Variants in UGGT2 observed in about 807,000 individuals in gnomAD.
UGGT2 encodes UDP-glucose:glycoprotein glucosyltransferase 2.
A neutral mutation model predicts 192.1 loss-of-function variants in UGGT2; 180 were observed. The ratio of observed to expected loss-of-function variants is 0.94; its 90% CI spans 0.83 to 1.06. UGGT2 has a LOEUF of 1.06. UGGT2 is among the 50% of genes least tolerant of loss of function. The pLI is 0.00. For synonymous variants in UGGT2, 580 were observed against 591.0 expected, an observed-to-expected ratio of 0.98 and a Z score of 0.27; for missense variants, 1,849 against 1,795.7, an observed-to-expected ratio of 1.03 and a Z score of -0.54.
chr13:96,002,746 G>C (rs1295466590), intron 5 of UGGT2, among the ~76,000 whole-genome samples: 2 of 152,136 alleles, frequency 1.3e-5, no homozygotes, highest in Non-Finnish European at 2.9e-5. Context: ...AGAACACTGA[G>C]GGAAAAAACA....
At chr13:95,972,736 CCA>C in intron 10 of UGGT2, 65 bp from the exon 11 acceptor site, 2 of 1,206,244 alleles carry the variant, frequency 1.7e-6, no homozygotes, top group Non-Finnish European at 2.4e-6. Context: ...TTAGGGGTCA[CCA>C]TATTATTTCT....
chr13:95,929,615 G>A (rs1400374737), intron 17 of UGGT2, among the ~76,000 whole-genome samples: 1 of 152,146 alleles, frequency 6.6e-6, no homozygotes, highest in Non-Finnish European at 1.5e-5. Flanking sequence ...CTCCAAAGGG[G>A]ACGATTTCAT....
In UGGT2 at chr13:95,955,455, C is replaced by T. The variant is rs148766080; in HGVS notation, c.1336-6001G>A. Among the ~76,000 whole-genome samples, 197 of 152,254 alleles carry T rather than the reference C, an allele frequency of 1.3e-3. 1 individual carries two copies. The highest frequency in any genetic ancestry group is 4.7e-3 in the African/African-American group (195 of 41,552). ...GATATTTATGCAAATCAGGTGGTAC[C>T]TGGGTGTAGGCTGTTGCTACTCATA... On this transcript the variant is annotated intron_variant, in intron 12 of 38. Transcript: ENST00000376747.
chr13:95,859,716 AC>A (rs749341671), intron 32 of UGGT2, 41 bp from the exon 33 acceptor site: 1 of 1,385,202 alleles, frequency 7.2e-7, no homozygotes, highest in Non-Finnish European at 9.9e-7. Context: ...ATTAACAGTA[AC>A]AGGAGCTCAT....
chr13:95,817,038 G>C (rs1884971176), intron 38 of UGGT2, among the ~76,000 whole-genome samples: 1 of 152,154 alleles, frequency 6.6e-6, no homozygotes, highest in Non-Finnish European at 1.5e-5. Flanking sequence ...TGAGACACAA[G>C]AATCGCTTGA....
intron 20 of UGGT2, among the ~76,000 whole-genome samples, chr13:95,912,369 G>A (rs1024002295): frequency 6.6e-6 from 1 of 152,170 alleles, no homozygotes; most frequent in Non-Finnish European, 1.5e-5. Context: ...TCCTTTAGCT[G>A]ATAAGCAACT....
Position 96,017,379 on chromosome 13 carries a change from C to G in UGGT2, c.486-3898G>C, listed in dbSNP as rs373368241. 2.0e-5 allele frequency among the ~76,000 whole-genome samples: 3 copies of G among 152,176 alleles called. No individual in the cohort carries two copies. The South Asian group carries it at 6.2e-4, about 32-fold the overall frequency. On this transcript the variant is annotated intron_variant, in intron 4 of 38. Coordinates refer to ENST00000376747, the MANE Select transcript of UGGT2 (RefSeq NM_020121.4). Reference sequence around the variant, plus strand: ...CCCCCCTTACTCTCTTGCTCATGCTCTCACTATGTGACGTGCCTGTTCCAG... The same window carrying G: ...CCCCCCTTACTCTCTTGCTCATGCTGTCACTATGTGACGTGCCTGTTCCAG...
At chr13:96,015,842 C>G (rs2052319807) in intron 4 of UGGT2, among the ~76,000 whole-genome samples, 1 of 152,126 alleles carries the variant, frequency 6.6e-6, no homozygotes, top group Non-Finnish European at 1.5e-5. Flanking sequence ...TGTAAACTAC[C>G]TATATATACA....
chr13:95,940,144 C>CT (rs545932044), intron 15 of UGGT2, 53 bp from the exon 16 acceptor site: 46 of 1,307,476 alleles, frequency 3.5e-5, no homozygotes, highest in Non-Finnish European at 3.6e-5. Flanking sequence ...AATTAGTTTT[C>CT]TTTTTTTTCC....
chr13:95,945,125 A>C (rs1011683954), intron 15 of UGGT2, among the ~76,000 whole-genome samples: 5 of 151,986 alleles, frequency 3.3e-5, no homozygotes, highest in Admixed American at 2.6e-4. Flanking sequence ...CTCACACTTA[A>C]TATGGTCACA....
At chr13:95,949,564 AT>A in intron 12 of UGGT2, 110 bp from the exon 13 acceptor site, 1 of 1,099,594 alleles carries the variant, frequency 9.1e-7, no homozygotes, top group Non-Finnish European at 1.2e-6. Context: ...AATTTTCTAT[AT>A]TTCTGATTAA....
chr13:95,859,564 A>G, intron 33 of UGGT2, 27 bp downstream of exon 33: 1 of 1,523,666 alleles, frequency 6.6e-7, no homozygotes, highest in Non-Finnish European at 9.1e-7. Context: ...AACATTAACC[A>G]TTCTACAAAA....
chr13:95,834,749 G>A (rs1887105983), intron 37 of UGGT2, among the ~76,000 whole-genome samples: 1 of 152,106 alleles, frequency 6.6e-6, no homozygotes, highest in South Asian at 2.1e-4. Flanking sequence ...TGTCCATCCA[G>A]GAATGCCATT....
chr13:96,015,931 A>G (rs747195467), intron 4 of UGGT2, among the ~76,000 whole-genome samples: 4 of 152,200 alleles, frequency 2.6e-5, no homozygotes, highest in Non-Finnish European at 5.9e-5. Flanking sequence ...AGCATCTACT[A>G]CATGGTAGGT....
chr13:96,013,375 A>C lies in UGGT2; in HGVS notation c.592T>G (p.Phe198Val). 6.2e-7 allele frequency: 1 copy of C among 1,607,576 alleles called. No homozygotes were observed. Among genetic ancestry groups the C allele is most frequent in the Non-Finnish European group, 8.5e-7 (1 of 1,178,524 alleles). ...AEMGTRTFSAFHKVLSEKAQN... is the reference protein window; with the variant it reads ...AEMGTRTFSAVHKVLSEKAQN... Reference sequence around the variant, plus strand: ...GCTTTTTCAGACAATACTTTGTGAAATGCACTAAATGTTCTAGTACCCATT... The same window carrying C: ...GCTTTTTCAGACAATACTTTGTGAACTGCACTAAATGTTCTAGTACCCATT... The change falls in exon 5 of 39, where the codon TTT (phenylalanine) becomes GTT (valine). Residue 198 changes from phenylalanine to valine, a missense_variant. By Grantham distance (50) the Phe-to-Val change is conservative (BLOSUM62 -1). Transcript: ENST00000376747.
At chr13:95,923,398 T>C (rs1253247590) in intron 20 of UGGT2, among the ~76,000 whole-genome samples, 1 of 141,544 alleles carries the variant, frequency 7.1e-6, no homozygotes, top group African/African-American at 2.6e-5. Flanking sequence ...AGATGGAGTC[T>C]CACTCTGTCA....
intron 12 of UGGT2, among the ~76,000 whole-genome samples, chr13:95,957,381 G>A (rs1372273999): frequency 6.6e-6 from 1 of 152,188 alleles, no homozygotes; most frequent in Non-Finnish European, 1.5e-5. Flanking sequence ...CTTTATGGAG[G>A]GTGGGTTCCA....
At chr13:95,841,427 C>T (rs1887852796) in intron 36 of UGGT2, among the ~76,000 whole-genome samples, 1 of 152,100 alleles carries the variant, frequency 6.6e-6, no homozygotes, top group Admixed American at 6.6e-5. Context: ...TCTTCTTCAA[C>T]CCAGCATGCA....
chr13:95,806,036 T>TAA (rs35951474), intron 38 of UGGT2, among the ~76,000 whole-genome samples: 2,247 of 84,766 alleles, frequency 0.027, 113 homozygotes, highest in African/African-American at 0.09. Flanking sequence ...AAGAGATTAT[T>TAA]AAAAAAAAAA....
Sources: allele counts gnomAD v4.1 joint callset (sites outside exome capture counted in the v4.1 genomes callset), GRCh38; gene constraint gnomAD v4.1.1; transcripts MANE v1.5; gene names NCBI Gene and HGNC (gene_info 2026-07-23, HGNC 2026-07-21).